SIK3: variants seen among roughly 807,000 people sequenced by gnomAD.
SIK3 encodes SIK family kinase 3.
A neutral mutation model predicts 144.2 loss-of-function variants in SIK3; 28 were observed. The observed-to-expected ratio is 0.19, with a 90% CI of 0.14 to 0.27. The LOEUF is 0.27. SIK3 is among the 10% of genes least tolerant of loss of function. The pLI, the probability that SIK3 is intolerant of heterozygous loss-of-function variation, is 1.00. For missense variants in SIK3, 1,319 were observed against 1,776.0 expected (o/e 0.74, Z 4.62); for synonymous variants, 686 against 676.3 (o/e 1.01, Z -0.22).
intron 4 of SIK3, among the ~76,000 whole-genome samples, chr11:116,915,436 A>T (rs1946581724): frequency 6.6e-6 from 1 of 152,220 alleles, no homozygotes; most frequent in East Asian, 1.9e-4. Flanking sequence ...AATTATTTTC[A>T]TGCCTTGCTT....
At chr11:116,982,084 G>A (rs185561177) in intron 1 of SIK3, among the ~76,000 whole-genome samples, 18 of 152,242 alleles carry the variant, frequency 1.2e-4, no homozygotes, top group African/African-American at 4.1e-4. Context: ...GTCTCTGCAT[G>A]CAGGACATCT....
intron 1 of SIK3, among the ~76,000 whole-genome samples, chr11:117,066,780 C>T (rs1029458578): frequency 3.3e-5 from 5 of 152,140 alleles, no homozygotes; most frequent in African/African-American, 1.2e-4. Context: ...GTGGTCCTCC[C>T]ACTTTGGCCT....
chr11:117,095,468 G>A (rs1471813195), intron 1 of SIK3, among the ~76,000 whole-genome samples: 1 of 152,088 alleles, frequency 6.6e-6, no homozygotes, highest in Non-Finnish European at 1.5e-5. Flanking sequence ...GCAGAAGTAA[G>A]ATAAAGGCTG....
In SIK3 at chr11:116,896,237, C is replaced by A. The variant is rs1945391405; in HGVS notation, c.865+16G>T. On this transcript the variant is annotated intron_variant, in intron 6 of 24. Transcript: ENST00000445177. ...TCATGAACCCATTCATAGCTGTGTG[C>A]TAGCGACTCCCTTACCTGTGGACAT... The A allele has an allele frequency of 6.2e-6, 10 of 1,612,674 alleles. No homozygotes were observed. The highest frequency in any genetic ancestry group is 6.8e-6 in the Non-Finnish European group (8 of 1,179,100).
At chr11:116,965,812 G>C (rs889180570) in intron 1 of SIK3, among the ~76,000 whole-genome samples, 8 of 134,888 alleles carry the variant, frequency 5.9e-5, no homozygotes, top group African/African-American at 2.3e-4. Context: ...GTGTATGCCT[G>C]TAGTCCCAGC....
At chr11:116,897,012 G>C (rs1945442791) in intron 5 of SIK3, among the ~76,000 whole-genome samples, 181 bp downstream of exon 5, 2 of 128,518 alleles carry the variant, frequency 1.6e-5, no homozygotes, top group Non-Finnish European at 3.2e-5. Context: ...GGGCGACAGA[G>C]TGAGACTCTG....
At chr11:116,852,363 C>T (rs1045958770) in intron 21 of SIK3, among the ~76,000 whole-genome samples, 18 of 152,218 alleles carry the variant, frequency 1.2e-4, no homozygotes, top group African/African-American at 4.3e-4. Context: ...AAGCAACCAC[C>T]TGACAAATCA....
chr11:117,061,371 T>C (rs1477100078), intron 1 of SIK3, among the ~76,000 whole-genome samples: 2 of 152,032 alleles, frequency 1.3e-5, no homozygotes, highest in Non-Finnish European at 2.9e-5. Flanking sequence ...TAAAGCAATA[T>C]ATTCGAGAGG....
At chr11:116,906,554 A>AG (rs905797445) in intron 4 of SIK3, among the ~76,000 whole-genome samples, 1 of 152,158 alleles carries the variant, frequency 6.6e-6, no homozygotes, top group African/African-American at 2.4e-5. Context: ...TGCAGCAAAA[A>AG]GGAGAGAGAA....
chr11:116,885,321 A>G (rs989824808), intron 6 of SIK3, among the ~76,000 whole-genome samples: 5 of 152,206 alleles, frequency 3.3e-5, no homozygotes, highest in Admixed American at 1.3e-4. Context: ...GACCACAAAG[A>G]AAAGGTTTTG....
chr11:116,862,510 G>C (rs1263017604), intron 16 of SIK3, among the ~76,000 whole-genome samples, 183 bp from the exon 17 acceptor site: 1 of 152,206 alleles, frequency 6.6e-6, no homozygotes, highest in South Asian at 2.1e-4. Context: ...TTCACATCCT[G>C]TTCTGTATGA....
chr11:117,070,643 G>C (rs1375802248), intron 1 of SIK3, among the ~76,000 whole-genome samples: 1 of 151,464 alleles, frequency 6.6e-6, no homozygotes, highest in African/African-American at 2.4e-5. Context: ...ACAGGGTTTC[G>C]CCATGTTGGC....
intron 4 of SIK3, among the ~76,000 whole-genome samples, chr11:116,924,963 A>G (rs1288456987): frequency 6.6e-6 from 1 of 152,154 alleles, no homozygotes; most frequent in Non-Finnish European, 1.5e-5. Context: ...ATACATGGTA[A>G]AAAGGACTTG....
At chr11:116,909,795 G>C (rs7950008) in intron 4 of SIK3, among the ~76,000 whole-genome samples, 1 of 152,098 alleles carries the variant, frequency 6.6e-6, no homozygotes, top group African/African-American at 2.4e-5. Context: ...TGGGAGAAAG[G>C]GAAGAAAAGA....
chr11:116,865,203 C>A (rs1943566073), intron 15 of SIK3: 1 of 151,278 alleles, frequency 6.6e-6, no homozygotes, highest in Non-Finnish European at 1.5e-5. Context: ...AATTTGATTC[C>A]TATGCTTTCA....
At chr11:117,011,773 A>T (rs906045305) in intron 1 of SIK3, among the ~76,000 whole-genome samples, 2 of 152,290 alleles carry the variant, frequency 1.3e-5, no homozygotes, top group African/African-American at 4.8e-5. Context: ...TGAGACCAGG[A>T]GTTCAAGACC....
At chr11:116,921,071 T>C (rs1279845250) in intron 4 of SIK3, among the ~76,000 whole-genome samples, 1 of 152,220 alleles carries the variant, frequency 6.6e-6, no homozygotes, top group Non-Finnish European at 1.5e-5. Context: ...ACTGCTCTTC[T>C]GTGGATCCTT....
intron 1 of SIK3, among the ~76,000 whole-genome samples, chr11:117,083,135 T>A (rs1458490336): frequency 1.3e-5 from 2 of 152,104 alleles, no homozygotes; most frequent in South Asian, 4.1e-4. Context: ...CTATACGAGG[T>A]TGTGACTTGG....
chr11:117,072,275 C>A (rs1328461987), intron 1 of SIK3, among the ~76,000 whole-genome samples: 1 of 152,108 alleles, frequency 6.6e-6, no homozygotes, highest in Non-Finnish European at 1.5e-5. Context: ...GTAATCCCAG[C>A]TACCAGCGAG....
Sources: allele counts gnomAD v4.1 joint callset (sites outside exome capture counted in the v4.1 genomes callset), GRCh38; gene constraint gnomAD v4.1.1; transcripts MANE v1.5; gene names NCBI Gene and HGNC (gene_info 2026-07-23, HGNC 2026-07-21).